PARP1: variants seen among roughly 807,000 people sequenced by gnomAD.
PARP1 encodes poly(ADP-ribose) polymerase 1, also known as poly [ADP-ribose] polymerase 1.
Under a neutral mutation model 118.7 loss-of-function variants are expected in PARP1, and 44 were observed. The observed-to-expected ratio is 0.37, with a 90% CI of 0.29 to 0.48. The LOEUF is 0.48. Among genes scored for constraint, PARP1 ranks in the 20% least tolerant of loss-of-function variants. The pLI, the probability that PARP1 is intolerant of heterozygous loss-of-function variation, is 0.99. For missense variants in PARP1, 1,100 were observed against 1,272.4 expected (o/e 0.86, Z 2.06); for synonymous variants, 492 against 483.2 (o/e 1.02, Z -0.24).
chr1:226,372,869 A>G (rs1005971422), intron 14 of PARP1, among the ~76,000 whole-genome samples: 1 of 152,182 alleles, frequency 6.6e-6, no homozygotes, highest in Admixed American at 6.5e-5. Flanking sequence ...AGCACCTCTC[A>G]ACCTTTCCCT....
chr1:226,360,905 G>A lies in PARP1; in HGVS notation c.*555C>T, dbSNP rs537409644. On this transcript the variant is annotated 3_prime_UTR_variant, in exon 23 of 23. Transcript: ENST00000366794. The stretch of plus-strand genomic sequence containing the variant: ...TTTCTAAGTATGAGAAATTGTTAGC[G>A]TTCCTTCCTTTGGTCTTCCCACACC... 6.2e-5 allele frequency: 14 copies of A among 225,876 alleles called. 1 individual carries two copies. Among genetic ancestry groups the A allele is most frequent in the African/African-American group, 3.1e-4 (14 of 44,982 alleles). The allele number at this position is 225,876 out of a possible 1,614,324, so 14.0% of individuals were successfully genotyped here. A position where few individuals can be genotyped will look rare whatever the true frequency, so the allele number is the denominator to read the frequency against.
intron 14 of PARP1, among the ~76,000 whole-genome samples, chr1:226,372,236 CGT>C (rs1322679389): frequency 6.6e-6 from 1 of 152,234 alleles, no homozygotes; most frequent in Non-Finnish European, 1.5e-5. Flanking sequence ...CCCAATCCCA[CGT>C]GGACCCCGCT....
At chr1:226,404,523 T>G (rs1468617475) in intron 1 of PARP1, among the ~76,000 whole-genome samples, 1 of 152,248 alleles carries the variant, frequency 6.6e-6, no homozygotes, top group East Asian at 1.9e-4. Context: ...CCTGCTGCCC[T>G]TTGGTCTGGG....
chr1:226,397,487 T>G (rs1332035525), intron 2 of PARP1, among the ~76,000 whole-genome samples: 1 of 152,220 alleles, frequency 6.6e-6, no homozygotes, highest in Admixed American at 6.5e-5. Context: ...TGATATGGTT[T>G]GGATCTGTGT....
In PARP1 at chr1:226,388,837, A is replaced by T; in HGVS notation, c.618-82T>A. On this transcript the variant is annotated intron_variant, in intron 4 of 22. Transcript: ENST00000366794. ...ATGACTTGCGGTGATGCAGTATCTT[A>T]ATGTCATTCTATCAACTCCCTGTAG... 8 of 1,039,024 alleles carry T rather than the reference A, an allele frequency of 7.7e-6. No individual in the cohort carries two copies. The East Asian group carries it at 1.9e-4, about 25-fold the overall frequency. The allele number at this position is 1,039,024 out of a possible 1,614,324, so 64.4% of individuals were successfully genotyped here. A position where few individuals can be genotyped will look rare whatever the true frequency, so the allele number is the denominator to read the frequency against.
chr1:226,392,143 T>G, intron 3 of PARP1, 56 bp downstream of exon 3: 1 of 1,149,104 alleles, frequency 8.7e-7, no homozygotes, highest in Non-Finnish European at 1.3e-6. Flanking sequence ...AGATAGCCAA[T>G]AACATCATTG....
At chr1:226,401,896 T>A in intron 2 of PARP1, 1 of 1,134,986 alleles carries the variant, frequency 8.8e-7, no homozygotes, top group African/African-American at 1.6e-5. Flanking sequence ...AGAGCCTGTG[T>A]GGTGGGAGGG....
intron 14 of PARP1, among the ~76,000 whole-genome samples, chr1:226,372,980 G>A (rs181377880): frequency 1.4e-3 from 216 of 152,280 alleles, no homozygotes; most frequent in African/African-American, 4.7e-3. Flanking sequence ...AACAAGCACA[G>A]CGAACAAGCC....
chr1:226,379,772 G>C (rs1271435507), intron 10 of PARP1, 131 bp from the exon 11 acceptor site: 13 of 1,387,360 alleles, frequency 9.4e-6, no homozygotes, highest in Admixed American at 1.7e-5. Context: ...CACTACTCCC[G>C]CCACCCCAAA....
At chr1:226,406,967 A>G (rs1179832416) in intron 1 of PARP1, among the ~76,000 whole-genome samples, 1 of 152,176 alleles carries the variant, frequency 6.6e-6, no homozygotes, top group East Asian at 1.9e-4. Context: ...GTTGGAAGCG[A>G]GGAGGAACAG....
chr1:226,373,867 T>C (rs1320465464), intron 14 of PARP1, among the ~76,000 whole-genome samples: 2 of 152,186 alleles, frequency 1.3e-5, no homozygotes, highest in East Asian at 1.9e-4. Flanking sequence ...CCTATATTCC[T>C]AGCATTTGGG....
In PARP1 at chr1:226,363,476, C is replaced by G. The variant is rs997843208; in HGVS notation, c.2787-316G>C. ...CAGTCCCCAGACCCCTGGCCTTTTA[C>G]ATGACCTTGTGCTTTTGGTTACAGT... is the stretch of plus-strand genomic sequence containing the variant. On this transcript the variant is annotated intron_variant, in intron 20 of 22. Coordinates refer to ENST00000366794, the MANE Select transcript of PARP1 (RefSeq NM_001618.4). Among the ~76,000 whole-genome samples the G allele has an allele frequency of 7.2e-5, 11 of 152,312 alleles. 1 individual carries two copies. The highest frequency in any genetic ancestry group is 2.4e-4 in the African/African-American group (10 of 41,572).
In PARP1 at chr1:226,402,077, C is replaced by T. The variant is rs149632681; in HGVS notation, c.286+137G>A. ...AGTCCAGGAGGTGTTGCTGAAATAA[C>T]ATGGGCACCATACGCTTGATCTGCA... On this transcript the variant is annotated intron_variant, in intron 2 of 22. Transcript: ENST00000366794. 3.3e-4 allele frequency: 519 copies of T among 1,570,618 alleles called. 3 individuals carry two copies. The African/African-American group carries it at 6.1e-3, about 18-fold the overall frequency.
intron 15 of PARP1, among the ~76,000 whole-genome samples, chr1:226,370,058 C>T (rs1013667493): frequency 6.6e-6 from 1 of 150,510 alleles, no homozygotes; most frequent in African/African-American, 2.4e-5. Flanking sequence ...TCCATGGGTT[C>T]TGCAGGGCAC....
At chr1:226,372,483 C>A (rs1041394684) in intron 14 of PARP1, among the ~76,000 whole-genome samples, 1 of 152,126 alleles carries the variant, frequency 6.6e-6, no homozygotes, top group Non-Finnish European at 1.5e-5. Context: ...ACCAGCCTGG[C>A]CAAAATGGTG....
chr1:226,361,807 C>T (rs1042321700), intron 22 of PARP1, 162 bp downstream of exon 22: 4 of 692,464 alleles, frequency 5.8e-6, no homozygotes, highest in African/African-American at 1.8e-5. Flanking sequence ...GTAAGCCAGG[C>T]TATGCACAGG....
intron 20 of PARP1, among the ~76,000 whole-genome samples, chr1:226,363,720 C>A (rs1664198447): frequency 6.6e-6 from 1 of 152,208 alleles, no homozygotes; most frequent in South Asian, 2.1e-4. Flanking sequence ...GCTCTGGAGG[C>A]CTGGCTGCGT....
intron 8 of PARP1, among the ~76,000 whole-genome samples, chr1:226,381,759 G>A (rs1576396683): frequency 6.6e-6 from 1 of 152,228 alleles, no homozygotes; most frequent in Admixed American, 6.5e-5. Context: ...GGCCAGAAAG[G>A]CCTGGACAGG....
At position 226,394,775 on chromosome 1, in the gene PARP1, G is replaced by GA. The variant is rs541946708; in HGVS notation, c.287-2462dup. ...GGGTGACAGAGCAAGATGTTGTCTT[G>GA]AAAAAAAAGAAAAAAAGACAGACTG... On this transcript the variant is annotated intron_variant, in intron 2 of 22. Coordinates refer to ENST00000366794, the MANE Select transcript of PARP1 (RefSeq NM_001618.4). Among the ~76,000 whole-genome samples the GA allele has an allele frequency of 2.8e-4, 43 of 151,394 alleles. No individual in the cohort carries two copies. In the Middle Eastern group the frequency reaches 0.01, roughly 36 times the overall value.
Sources: gnomAD v4.1 joint callset for allele counts (sites outside exome capture counted in the v4.1 genomes callset) on GRCh38, gnomAD v4.1.1 for gene constraint, MANE v1.5 for transcripts, NCBI Gene and HGNC (gene_info 2026-07-23, HGNC 2026-07-21) for gene names.